The following KLHDC10 variants were observed in gnomAD, a reference collection of about 807,000 sequenced individuals.
KLHDC10 encodes kelch domain containing 10, also known as kelch domain-containing protein 10.
In KLHDC10, 24 loss-of-function variants were observed where a neutral mutation model predicts 56.1. The observed-to-expected ratio is 0.43, with a 90% CI of 0.31 to 0.60. The LOEUF (loss-of-function observed/expected upper bound fraction) is 0.60. KLHDC10 is among the 20% of genes least tolerant of loss of function. KLHDC10 has a pLI of 0.11. For missense variants in KLHDC10, 349 were observed against 567.0 expected, an observed-to-expected ratio of 0.62 and a Z score of 3.91; for synonymous variants, 188 against 207.1, an observed-to-expected ratio of 0.91 and a Z score of 0.79.
chr7:130,118,015 C>CA lies in KLHDC10; in HGVS notation c.475+1357dup, dbSNP rs1192621640. 7.3e-5 allele frequency among the ~76,000 whole-genome samples: 11 copies of CA among 150,942 alleles called. No individual in the cohort carries two copies. In the South Asian group the frequency reaches 2.1e-3, roughly 29 times the overall value. ...CCTGTCTCTACAAAAAACACACACA[C>CA]AAAAAAAATTAGCTGGGCATGGTGG... On this transcript the variant is annotated intron_variant, in intron 3 of 9. Transcript: ENST00000335420.
At chr7:130,093,460 A>G (rs949524160) in intron 1 of KLHDC10, among the ~76,000 whole-genome samples, 4 of 152,162 alleles carry the variant, frequency 2.6e-5, no homozygotes, top group African/African-American at 9.7e-5. Context: ...TCCTGGCCTC[A>G]GGTGATCTGC....
chr7:130,107,186 A>G (rs567043330), intron 2 of KLHDC10, among the ~76,000 whole-genome samples: 1 of 152,356 alleles, frequency 6.6e-6, no homozygotes, highest in Non-Finnish European at 1.5e-5. Flanking sequence ...AGTAAAAAAA[A>G]CGAGACAAAG....
chr7:130,075,522 G>C (rs1226571214), intron 1 of KLHDC10, among the ~76,000 whole-genome samples: 1 of 152,098 alleles, frequency 6.6e-6, no homozygotes, highest in Non-Finnish European at 1.5e-5. Flanking sequence ...TCCAGGTTCA[G>C]GGGGGACGGG....
rs562028481 is a variant in KLHDC10, at chr7:130,106,164, T to A, written c.253+9157T>A. Among the ~76,000 whole-genome samples the A allele has an allele frequency of 8.8e-5, 13 of 148,358 alleles. 1 individual carries two copies. The East Asian group carries it at 1.8e-3, about 21-fold the overall frequency. On this transcript the variant is annotated intron_variant, in intron 2 of 9. Coordinates refer to ENST00000335420, the MANE Select transcript of KLHDC10 (RefSeq NM_014997.4). Reference sequence around the variant, plus strand: ...TCCGTCTCAAAATAAATAAATAAAATAAATAATAATCTGTACATTTATATT... The same window carrying A: ...TCCGTCTCAAAATAAATAAATAAAAAAAATAATAATCTGTACATTTATATT...
intron 1 of KLHDC10, among the ~76,000 whole-genome samples, chr7:130,080,999 C>CTTTTTTTT (rs966845024): frequency 2.3e-5 from 3 of 131,930 alleles, no homozygotes; most frequent in African/African-American, 5.8e-5. Context: ...TTTCAGTTTT[C>CTTTTTTTT]TTTTTTTTTT....
Position 130,116,772 on chromosome 7 carries a change from C to T in KLHDC10, c.475+106C>T, listed in dbSNP as rs2116902633. On this transcript the variant is annotated intron_variant, in intron 3 of 9. Transcript: ENST00000335420. The surrounding 1 kb of genome is among the most constrained non-coding windows in gnomAD (Gnocchi z 4.8). ...AATTTATAACACTATAATGTGATTT[C>T]GCCCTGTGGGTGGATAGGCTTTTTA... 3.1e-6 allele frequency: 3 copies of T among 962,690 alleles called. No homozygotes were observed. Among genetic ancestry groups the T allele is most frequent in the East Asian group, 2.5e-5 (1 of 40,616 alleles). The allele number at this position is 962,690 out of a possible 1,614,324, so 59.6% of individuals were successfully genotyped here.
At chr7:130,076,277 G>T (rs1197097741) in intron 1 of KLHDC10, among the ~76,000 whole-genome samples, 1 of 152,060 alleles carries the variant, frequency 6.6e-6, no homozygotes, top group Non-Finnish European at 1.5e-5. Flanking sequence ...TTCCTAACAG[G>T]CCATGGACCG....
At chr7:130,078,228 G>T (rs1246899518) in intron 1 of KLHDC10, among the ~76,000 whole-genome samples, 1 of 151,726 alleles carries the variant, frequency 6.6e-6, no homozygotes, top group African/African-American at 2.4e-5. Context: ...AAAAAAATTA[G>T]CCGGATGTGG....
chr7:130,121,193 C>T (rs1361303012), intron 4 of KLHDC10, among the ~76,000 whole-genome samples: 1 of 151,914 alleles, frequency 6.6e-6, no homozygotes, highest in Non-Finnish European at 1.5e-5. Context: ...TAGAACCCCA[C>T]CTCCACCTCT....
intron 5 of KLHDC10, among the ~76,000 whole-genome samples, chr7:130,124,041 A>C (rs1267245326): frequency 7.2e-5 from 11 of 152,212 alleles, no homozygotes; most frequent in Admixed American, 7.2e-4. Context: ...GTTATCACAA[A>C]AGATTATAGA....
Position 130,134,989 on chromosome 7 carries a change from C to A in KLHDC10, c.*4243C>A, listed in dbSNP as rs1264057838. On this transcript the variant is annotated 3_prime_UTR_variant, in exon 10 of 10. Coordinates refer to ENST00000335420, the MANE Select transcript of KLHDC10 (RefSeq NM_014997.4). ...CCCTTCTAAGGTCATTAGATTCAGCCAAAAGCGACCTCTTCTCTAGTCCGG... is the reference window on the plus strand; with the variant it reads ...CCCTTCTAAGGTCATTAGATTCAGCAAAAAGCGACCTCTTCTCTAGTCCGG... 6.7e-6 allele frequency: 1 copy of A among 149,730 alleles called. No individual in the cohort carries two copies. Among genetic ancestry groups the A allele is most frequent in the East Asian group, 2.0e-4 (1 of 5,096 alleles). 9.3% of individuals were successfully genotyped at this position (149,730 alleles called of 1,614,324 possible).
In KLHDC10 at chr7:130,070,535, C is replaced by T. The variant is rs1371710790; in HGVS notation, c.-109C>T. The T allele has an allele frequency of 3.7e-6, 4 of 1,081,304 alleles. No individual in the cohort carries two copies. The highest frequency in any genetic ancestry group is 4.2e-5 in the Admixed American group (1 of 23,634). 67.0% of individuals were successfully genotyped at this position (1,081,304 alleles called of 1,614,324 possible). Reference sequence around the variant, plus strand: ...TGGTCTCTGGTGGGACCGGGCGCTGCCCCCTTCCCCTGTCTCCTGGGTCTC... The same window carrying T: ...TGGTCTCTGGTGGGACCGGGCGCTGTCCCCTTCCCCTGTCTCCTGGGTCTC... On this transcript the variant is annotated 5_prime_UTR_variant, in exon 1 of 10. Coordinates refer to ENST00000335420, the MANE Select transcript of KLHDC10 (RefSeq NM_014997.4).
At position 130,070,741 on chromosome 7, in the gene KLHDC10, G is replaced by T; in HGVS notation, c.98G>T (p.Gly33Val). ...GGSGAGGGSG[G>V]SGGRGTGQLN... The stretch of plus-strand genomic sequence containing the variant: ...AGCGGGGCCGGCGGGGGCAGTGGGG[G>T]CAGCGGGGGTCGGGGGACTGGCCAG... The change falls in exon 1 of 10, where the codon GGC (glycine) becomes GTC (valine). Residue 33 changes from glycine to valine, a missense_variant. Around this residue, in one of 2 missense-constraint regions of KLHDC10, gnomAD observed 104 missense variants for 97.0 expected, o/e 1.07. Transcript: ENST00000335420. The T allele has an allele frequency of 7.9e-7, 1 of 1,262,946 alleles. No homozygotes were observed. The allele number at this position is 1,262,946 out of a possible 1,614,324, so 78.2% of individuals were successfully genotyped here.
chr7:130,083,477 T>A (rs924600796), intron 1 of KLHDC10, among the ~76,000 whole-genome samples: 2 of 152,160 alleles, frequency 1.3e-5, no homozygotes, highest in Admixed American at 6.5e-5. Flanking sequence ...AGAGGAGAGA[T>A]TTTTTAAAAA....
Position 130,120,702 on chromosome 7 carries a change from T to C in KLHDC10, c.476-47T>C, listed in dbSNP as rs1329588467. On this transcript the variant is annotated intron_variant, in intron 3 of 9. Transcript: ENST00000335420. The surrounding 1 kb of genome is among the most constrained non-coding windows in gnomAD (Gnocchi z 5.1). ...TATTCTGGGTTTATGTGGGAACAAATTGCAGGTAGCCATTTGTGAACAGAA... is the reference window on the plus strand; with the variant it reads ...TATTCTGGGTTTATGTGGGAACAAACTGCAGGTAGCCATTTGTGAACAGAA... 3 of 1,605,862 alleles carry C rather than the reference T, an allele frequency of 1.9e-6. No homozygotes were observed. The Admixed American group carries it at 5.0e-5, about 27-fold the overall frequency.
chr7:130,104,309 G>C (rs553130089), intron 2 of KLHDC10, among the ~76,000 whole-genome samples: 1 of 152,272 alleles, frequency 6.6e-6, no homozygotes, highest in African/African-American at 2.4e-5. Flanking sequence ...AGGGTCAACT[G>C]TATAACATTC....
At chr7:130,098,541 A>G (rs917483409) in intron 2 of KLHDC10, among the ~76,000 whole-genome samples, 1 of 152,164 alleles carries the variant, frequency 6.6e-6, no homozygotes, top group Non-Finnish European at 1.5e-5. Context: ...CATTGTACAC[A>G]CATGGCCAAG....
At chr7:130,089,875 A>G (rs762784209) in intron 1 of KLHDC10, among the ~76,000 whole-genome samples, 2 of 152,012 alleles carry the variant, frequency 1.3e-5, no homozygotes, top group Non-Finnish European at 2.9e-5. Context: ...TCTCTGATTC[A>G]ATAGTTTTCA....
rs1796410720 is a variant in KLHDC10 at position 130,132,183 on chromosome 7, G to T, written c.*1437G>T. On this transcript the variant is annotated 3_prime_UTR_variant, in exon 10 of 10. Transcript: ENST00000335420. ...TGTGTAAGCCGCAGGTGTACTCAAG[G>T]TGCTGAAGGCGTGCAAGGGGCAGCG... 1 of 152,156 alleles carries T rather than the reference G, an allele frequency of 6.6e-6. No individual in the cohort carries two copies. Among genetic ancestry groups the T allele is most frequent in the Non-Finnish European group, 1.5e-5 (1 of 68,032 alleles). The allele number at this position is 152,156 out of a possible 1,614,324, so 9.4% of individuals were successfully genotyped here.
Sources: gnomAD v4.1 joint callset for allele counts (sites outside exome capture counted in the v4.1 genomes callset) on GRCh38, gnomAD v4.1.1 for gene constraint, gnomAD v4.1.1 regional missense constraint, Gnocchi (gnomAD v3.1) non-coding constraint, MANE v1.5 for transcripts, NCBI Gene and HGNC (gene_info 2026-07-23, HGNC 2026-07-21) for gene names.